The following PCBP3 variants were observed in gnomAD, a reference collection of about 807,000 sequenced individuals.
PCBP3 encodes poly(rC)-binding protein 3.
PCBP3 carries 25 observed loss-of-function variants against 52.7 expected under a neutral mutation model. That is an observed-to-expected ratio of 0.47 (90% CI 0.35 to 0.66). The LOEUF is 0.66. Among genes scored for constraint, PCBP3 ranks in the 30% least tolerant of loss-of-function variants. The pLI is 0.01. For missense variants in PCBP3, 391 were observed against 490.3 expected, an observed-to-expected ratio of 0.80 and a Z score of 1.91; for synonymous variants, 162 against 183.0, an observed-to-expected ratio of 0.89 and a Z score of 0.93.
intron 4 of PCBP3, among the ~76,000 whole-genome samples, chr21:45,777,632 C>T (rs978876442): frequency 3.3e-5 from 5 of 152,090 alleles, no homozygotes; most frequent in African/African-American, 1.2e-4. Context: ...TTTTATCTGA[C>T]TGGATTATTT....
At chr21:45,713,045 G>T (rs769551298) in intron 2 of PCBP3, among the ~76,000 whole-genome samples, 20 of 152,172 alleles carry the variant, frequency 1.3e-4, no homozygotes, top group Non-Finnish European at 2.8e-4. Flanking sequence ...CTTTCCATGA[G>T]TCATTTACAC....
intron 5 of PCBP3, among the ~76,000 whole-genome samples, chr21:45,879,955 A>G (rs1270264268): frequency 6.6e-6 from 1 of 152,116 alleles, no homozygotes; most frequent in Non-Finnish European, 1.5e-5. Flanking sequence ...AACCCAATGA[A>G]ATTAAAAACA....
intron 4 of PCBP3, among the ~76,000 whole-genome samples, chr21:45,819,611 C>G (rs2093068152): frequency 6.6e-6 from 1 of 152,234 alleles, no homozygotes; most frequent in African/African-American, 2.4e-5. Context: ...CCCACGCAGC[C>G]CTGAAGTCCT....
At chr21:45,685,452 A>G (rs1043358453) in intron 2 of PCBP3, among the ~76,000 whole-genome samples, 1 of 152,200 alleles carries the variant, frequency 6.6e-6, no homozygotes, top group African/African-American at 2.4e-5. Flanking sequence ...GAAATACAAA[A>G]AGGAAGGAGA....
At chr21:45,676,247 T>C (rs531976334) in intron 2 of PCBP3, among the ~76,000 whole-genome samples, 1 of 152,358 alleles carries the variant, frequency 6.6e-6, no homozygotes, top group East Asian at 1.9e-4. Flanking sequence ...CCTGTGTTTG[T>C]TGCAAATGAT....
chr21:45,774,356 C>T (rs1337258803), intron 4 of PCBP3, among the ~76,000 whole-genome samples: 1 of 150,490 alleles, frequency 6.6e-6, no homozygotes, highest in African/African-American at 2.5e-5. Flanking sequence ...CGCCACTGCA[C>T]TCCAGCCTGG....
At chr21:45,688,826 A>G (rs2082303143) in intron 2 of PCBP3, among the ~76,000 whole-genome samples, 1 of 151,926 alleles carries the variant, frequency 6.6e-6, no homozygotes, top group African/African-American at 2.4e-5. Context: ...GCAATATTTT[A>G]TATCACTGAA....
At chr21:45,909,937 CA>C (rs1445917916) in intron 10 of PCBP3, among the ~76,000 whole-genome samples, 5 of 90,132 alleles carry the variant, frequency 5.5e-5, no homozygotes, top group Admixed American at 1.1e-4. Flanking sequence ...TGGACCCCCC[CA>C]ACCCACTTCC....
At chr21:45,725,801 C>G (rs1485573322) in intron 2 of PCBP3, among the ~76,000 whole-genome samples, 1 of 148,058 alleles carries the variant, frequency 6.8e-6, no homozygotes, top group Non-Finnish European at 1.5e-5. Context: ...AACTGGGTGG[C>G]AGGGGGGAGC....
chr21:45,698,819 G>A (rs548969952), intron 2 of PCBP3, among the ~76,000 whole-genome samples: 1 of 152,342 alleles, frequency 6.6e-6, no homozygotes, highest in East Asian at 1.9e-4. Flanking sequence ...TGCAACCTGA[G>A]TTTAATGCAT....
At chr21:45,681,105 G>A (rs1218702324) in intron 2 of PCBP3, among the ~76,000 whole-genome samples, 2 of 152,166 alleles carry the variant, frequency 1.3e-5, no homozygotes, top group Non-Finnish European at 2.9e-5. Flanking sequence ...TTTATAAGAC[G>A]TTATTTATTA....
At chr21:45,861,715 C>T (rs549006350) in intron 5 of PCBP3, among the ~76,000 whole-genome samples, 14 of 152,316 alleles carry the variant, frequency 9.2e-5, no homozygotes, top group African/African-American at 3.4e-4. Flanking sequence ...TGGATGGCGC[C>T]AGCTGGGCCT....
chr21:45,772,364 T>A (rs1453840604), intron 4 of PCBP3, among the ~76,000 whole-genome samples: 3 of 152,198 alleles, frequency 2.0e-5, no homozygotes, highest in Non-Finnish European at 4.4e-5. Context: ...TGACTTTGAG[T>A]TCCATCCTTG....
chr21:45,801,238 C>G (rs2092290550), intron 4 of PCBP3, among the ~76,000 whole-genome samples: 3 of 152,226 alleles, frequency 2.0e-5, no homozygotes, highest in Non-Finnish European at 4.4e-5. Flanking sequence ...GATGGCCAGC[C>G]TTGTGGGGAC....
intron 16 of PCBP3, among the ~76,000 whole-genome samples, chr21:45,939,766 C>G (rs1569513718): frequency 6.6e-6 from 1 of 152,168 alleles, no homozygotes; most frequent in Non-Finnish European, 1.5e-5. Context: ...GGGTGGGCCT[C>G]CTACAGGAGT....
At chr21:45,670,564 T>G (rs914073346) in intron 2 of PCBP3, among the ~76,000 whole-genome samples, 8 of 152,178 alleles carry the variant, frequency 5.3e-5, no homozygotes, top group Non-Finnish European at 1.2e-4. Context: ...GGAGCAAGCT[T>G]AATCCAGTGT....
intron 2 of PCBP3, among the ~76,000 whole-genome samples, chr21:45,689,973 C>T (rs984993327): frequency 6.6e-6 from 1 of 152,142 alleles, no homozygotes; most frequent in Non-Finnish European, 1.5e-5. Context: ...CAATCAAACT[C>T]TAGCAGGCTT....
rs1208850992 is a variant in PCBP3, at chr21:45,817,091, G to A, written c.-125-32870G>A. ...TGTGGCACGTGACTATATATGCTACGCTGTTAAGAATTTGGGGTGTTGTGT... is the reference window on the plus strand; with the variant it reads ...TGTGGCACGTGACTATATATGCTACACTGTTAAGAATTTGGGGTGTTGTGT... On this transcript the variant is annotated intron_variant, in intron 4 of 17. Coordinates refer to ENST00000681687, the MANE Select transcript of PCBP3 (RefSeq NM_001384156.1). The surrounding 1 kb of genome is among the most constrained non-coding windows in gnomAD (Gnocchi z 4.3). Among the ~76,000 whole-genome samples the A allele has an allele frequency of 6.6e-6, 1 of 152,160 alleles. No homozygotes were observed. Among genetic ancestry groups the A allele is most frequent in the African/African-American group, 2.4e-5 (1 of 41,418 alleles).
intron 5 of PCBP3, among the ~76,000 whole-genome samples, chr21:45,892,805 G>T (rs1204642161): frequency 2.0e-5 from 3 of 152,324 alleles, no homozygotes; most frequent in African/African-American, 7.2e-5. Flanking sequence ...TGTCCTCAGG[G>T]CACCTTCACT....
Sources: allele counts gnomAD v4.1 joint callset (sites outside exome capture counted in the v4.1 genomes callset), GRCh38; gene constraint gnomAD v4.1.1; non-coding constraint Gnocchi (gnomAD v3.1); transcripts MANE v1.5; gene names NCBI Gene and HGNC (gene_info 2026-07-23, HGNC 2026-07-21).